FILIP1: variants seen among roughly 807,000 people sequenced by gnomAD.
FILIP1 encodes the protein filamin-A-interacting protein 1.
FILIP1 carries 61 observed loss-of-function variants against 102.1 expected under a neutral mutation model. That is an observed-to-expected ratio of 0.60 (90% CI 0.49 to 0.74). The LOEUF (loss-of-function observed/expected upper bound fraction) is 0.74, where lower values mean the gene tolerates loss of function less well. Among genes scored for constraint, FILIP1 ranks in the 30% least tolerant of loss-of-function variants. The probability of loss-of-function intolerance (pLI) is 0.00; values close to 1 mark genes in which losing one functional copy is unlikely to be tolerated. For missense variants in FILIP1, 1,314 were observed against 1,441.2 expected (o/e 0.91, Z 1.43); for synonymous variants, 491 against 526.9 (o/e 0.93, Z 0.93).
chr6:75,294,649 G>A (rs144037331), exon 7 of FILIP1: 69 of 152,048 alleles, frequency 4.5e-4, no homozygotes, highest in African/African-American at 1.6e-3. Context: ...GAGATTTCTT[G>A]TACTACTTTT....
chr6:75,487,118 T>A (rs898840986), intron 1 of FILIP1, among the ~76,000 whole-genome samples: 3 of 152,158 alleles, frequency 2.0e-5, no homozygotes, highest in Non-Finnish European at 2.9e-5. Context: ...GTAAGGCCAC[T>A]CCCTGATCCA....
chr6:75,308,381 T>TC lies in FILIP1; in HGVS notation c.*309dup. ...CGGACTTGAAGAGCGTGTGATTGAG[T>TC]CCCCACATCTAACTGATGAGGAAAC... On this transcript the variant is annotated 3_prime_UTR_variant, in exon 6 of 6. Coordinates refer to ENST00000237172, the MANE Select transcript of FILIP1 (RefSeq NM_015687.5). The TC allele has an allele frequency of 9.3e-7, 1 of 1,076,712 alleles. No individual in the cohort carries two copies. The highest frequency in any genetic ancestry group is 1.1e-6 in the Non-Finnish European group (1 of 872,496). 66.7% of individuals were successfully genotyped at this position (1,076,712 alleles called of 1,614,324 possible).
intron 1 of FILIP1, among the ~76,000 whole-genome samples, chr6:75,490,398 G>A (rs766803177): frequency 5.3e-5 from 8 of 151,944 alleles, no homozygotes; most frequent in Non-Finnish European, 1.0e-4. Flanking sequence ...CAGTTTTCAC[G>A]AGCAATTAAA....
chr6:75,389,670 G>T (rs1470712947), intron 2 of FILIP1, among the ~76,000 whole-genome samples: 1 of 152,094 alleles, frequency 6.6e-6, no homozygotes, highest in East Asian at 1.9e-4. Context: ...AGAAACATTT[G>T]TAGTATTCTC....
chr6:75,388,829 T>C (rs1032814295), intron 2 of FILIP1, among the ~76,000 whole-genome samples: 1 of 152,048 alleles, frequency 6.6e-6, no homozygotes. Context: ...AGAGATAATT[T>C]GCTTCCTCTC....
chr6:75,328,114 A>AT (rs957077861), intron 4 of FILIP1, among the ~76,000 whole-genome samples: 2 of 152,174 alleles, frequency 1.3e-5, no homozygotes, highest in Admixed American at 6.6e-5. Context: ...GAACCTATGG[A>AT]TTTTTTTAAA....
intron 1 of FILIP1, among the ~76,000 whole-genome samples, chr6:75,431,574 C>T (rs1404113823): frequency 1.3e-5 from 2 of 152,108 alleles, no homozygotes; most frequent in African/African-American, 4.8e-5. Context: ...TGCCTTGAGT[C>T]GTTCATATGC....
intron 4 of FILIP1, among the ~76,000 whole-genome samples, chr6:75,351,799 G>T (rs770145831): frequency 1.2e-4 from 18 of 152,234 alleles, no homozygotes; most frequent in South Asian, 2.1e-4. Context: ...AGTGACACAT[G>T]ACTGTGTATG....
intron 3 of FILIP1, among the ~76,000 whole-genome samples, chr6:75,355,098 C>T (rs1774946845): frequency 6.6e-6 from 1 of 152,078 alleles, no homozygotes; most frequent in Admixed American, 6.5e-5. Flanking sequence ...AGTTCGAGAC[C>T]AGCCTGACCA....
chr6:75,425,539 G>A (rs1355146057), intron 1 of FILIP1, among the ~76,000 whole-genome samples: 1 of 152,038 alleles, frequency 6.6e-6, no homozygotes, highest in South Asian at 2.1e-4. Flanking sequence ...TGGCCTTAAG[G>A]TGTCTCATCA....
chr6:75,350,859 T>A (rs763105772), intron 4 of FILIP1, among the ~76,000 whole-genome samples: 8 of 152,184 alleles, frequency 5.3e-5, no homozygotes, highest in Admixed American at 2.0e-4. Context: ...TTCACACAGG[T>A]GCTCTTAGAA....
rs1562514762 is a variant in FILIP1 at position 75,372,681 on chromosome 6, GAAAGAGAAAGAA to G, written c.277-9776_277-9765del. Among the ~76,000 whole-genome samples, 53 of 45,624 alleles carry G rather than the reference GAAAGAGAAAGAA, an allele frequency of 1.2e-3. 3 individuals are homozygous for G. The highest frequency in any genetic ancestry group is 6.7e-3 in the African/African-American group (47 of 7,032). The allele number at this position is 45,624 out of a possible 152,430, so 29.9% of individuals were successfully genotyped here. A position where few individuals can be genotyped will look rare whatever the true frequency, so the allele number is the denominator to read the frequency against. On this transcript the variant is annotated intron_variant, in intron 2 of 5. Transcript: ENST00000237172. ...AGAAAGAAAGAAAGAAAGAAAGAAA[GAAAGAGAAAGAA>G]AGAGAAAGAAAGAAAGAAAGGAAAG...
In FILIP1 at chr6:75,312,401, G is replaced by A. The variant is rs915922571; in HGVS notation, c.3431C>T (p.Ser1144Leu). Residue 1144 changes from serine (S) to leucine (L), a missense_variant, in exon 5 of 6, where the codon TCA (serine) becomes TTA (leucine). This residue lies in a region of FILIP1 where 816 missense variants were observed against 913.1 expected (regional missense o/e 0.89). Coordinates refer to ENST00000237172, the MANE Select transcript of FILIP1 (RefSeq NM_015687.5). ...TTTGGAGCCTCTTCTACTCACCACT[G>A]ACTGGGTTCCTCGAGCAGATGACGT... The part of the protein sequence containing the change: ...VTTSSARGTQ[S>L]VSGQDGSSQR... The A allele has an allele frequency of 4.3e-6, 7 of 1,612,706 alleles. No individual in the cohort carries two copies. The highest frequency in any genetic ancestry group is 1.7e-5 in the Admixed American group (1 of 59,962).
intron 1 of FILIP1, among the ~76,000 whole-genome samples, chr6:75,466,001 G>A (rs919781440): frequency 3.3e-5 from 5 of 152,090 alleles, no homozygotes; most frequent in Admixed American, 6.6e-5. Flanking sequence ...GCATGTCCCC[G>A]GCTTAAGGCC....
chr6:75,339,812 G>A (rs1774361647), intron 4 of FILIP1, among the ~76,000 whole-genome samples: 1 of 152,084 alleles, frequency 6.6e-6, no homozygotes, highest in Non-Finnish European at 1.5e-5. Context: ...GCCAGGCACG[G>A]TGGTGGGCAC....
chr6:75,343,495 C>G (rs1774481548), intron 4 of FILIP1, among the ~76,000 whole-genome samples: 1 of 152,190 alleles, frequency 6.6e-6, no homozygotes, highest in Non-Finnish European at 1.5e-5. Context: ...CCTCCTACAG[C>G]ATAAACTTCT....
At chr6:75,361,358 G>A (rs746796786) in intron 3 of FILIP1, among the ~76,000 whole-genome samples, 1 of 152,174 alleles carries the variant, frequency 6.6e-6, no homozygotes, top group East Asian at 1.9e-4. Flanking sequence ...CTCTCCCTTG[G>A]TGGTGAGGGT....
chr6:75,485,450 G>T (rs1005206708), intron 1 of FILIP1, among the ~76,000 whole-genome samples: 24 of 152,094 alleles, frequency 1.6e-4, no homozygotes, highest in Admixed American at 1.5e-3. Context: ...AGAAAGTAGA[G>T]ATTTATTCTG....
intron 4 of FILIP1, among the ~76,000 whole-genome samples, chr6:75,341,658 A>C (rs770773956): frequency 1.3e-5 from 2 of 152,202 alleles, no homozygotes; most frequent in African/African-American, 4.8e-5. Flanking sequence ...ATTTGGAAAT[A>C]TAAAAACTAC....
Sources: gnomAD v4.1 joint callset for allele counts (sites outside exome capture counted in the v4.1 genomes callset) on GRCh38, gnomAD v4.1.1 for gene constraint, gnomAD v4.1.1 regional missense constraint, MANE v1.5 for transcripts, NCBI Gene and HGNC (gene_info 2026-07-23, HGNC 2026-07-21) for gene names.